Variants in STXBP6 observed in about 807,000 individuals in gnomAD.
The protein encoded by STXBP6 is syntaxin-binding protein 6.
Under a neutral mutation model 26.9 loss-of-function variants are expected in STXBP6, and 21 were observed. The observed-to-expected ratio is 0.78, with a 90% CI of 0.55 to 1.12. The LOEUF (loss-of-function observed/expected upper bound fraction) is 1.12, where lower values mean the gene tolerates loss of function less well. Among genes scored for constraint, STXBP6 ranks in the 50% most tolerant of loss-of-function variants. The pLI is 0.00. For missense variants in STXBP6, 232 were observed against 257.9 expected (o/e 0.90, Z 0.69); for synonymous variants, 97 against 92.6 (o/e 1.05, Z -0.27).
intron 1 of STXBP6, chr14:24,987,859 C>T: frequency 3.0e-6 from 3 of 985,500 alleles, no homozygotes; most frequent in Non-Finnish European, 3.6e-6. Context: ...AAGAGCAGAG[C>T]AAAGCTGGAA....
intron 2 of STXBP6, among the ~76,000 whole-genome samples, chr14:24,865,798 T>C (rs2069697513): frequency 6.6e-6 from 1 of 152,100 alleles, no homozygotes; most frequent in African/African-American, 2.4e-5. Context: ...ATTGAGTTTA[T>C]AAAATATGAA....
chr14:24,856,730 A>G (rs566562951), intron 3 of STXBP6, among the ~76,000 whole-genome samples: 1 of 151,044 alleles, frequency 6.6e-6, no homozygotes, highest in East Asian at 1.9e-4. Context: ...TTTTTTCCAT[A>G]TTGATAACCA....
chr14:24,842,910 C>T (rs2068828205), intron 4 of STXBP6, among the ~76,000 whole-genome samples: 1 of 152,128 alleles, frequency 6.6e-6, no homozygotes, highest in African/African-American at 2.4e-5. Flanking sequence ...TTTGTGCATG[C>T]ATTTATTCAG....
At chr14:24,925,936 A>G (rs1595122944) in intron 2 of STXBP6, among the ~76,000 whole-genome samples, 1 of 152,180 alleles carries the variant, frequency 6.6e-6, no homozygotes, top group Non-Finnish European at 1.5e-5. Flanking sequence ...CAGAGAATGT[A>G]TTATAGAAAA....
chr14:25,015,038 TA>T (rs1283131711), intron 1 of STXBP6, among the ~76,000 whole-genome samples: 3 of 152,200 alleles, frequency 2.0e-5, no homozygotes, highest in Non-Finnish European at 4.4e-5. Context: ...TCATTGGTTA[TA>T]TTTCTATGAG....
At chr14:24,850,104 T>C (rs2069096646) in intron 4 of STXBP6, among the ~76,000 whole-genome samples, 1 of 152,022 alleles carries the variant, frequency 6.6e-6, no homozygotes, top group South Asian at 2.1e-4. Flanking sequence ...ACCACACCAA[T>C]CACTTTTTTT....
intron 2 of STXBP6, among the ~76,000 whole-genome samples, chr14:24,958,773 C>T (rs1412603577): frequency 1.3e-5 from 2 of 151,928 alleles, no homozygotes; most frequent in Admixed American, 1.3e-4. Context: ...ATGCAAAAAC[C>T]AACAGAAGCC....
intron 2 of STXBP6, among the ~76,000 whole-genome samples, chr14:24,953,498 ACAGTGGCTACCCTTTCCTG>A (rs1402275012): frequency 6.6e-6 from 1 of 152,144 alleles, no homozygotes; most frequent in East Asian, 1.9e-4. Flanking sequence ...GCTTCCTCTG[ACAGTGGCTACCCTTTCCTG>A]CTGCTCCCAC....
At chr14:25,039,504 A>G (rs1343639451) in intron 1 of STXBP6, among the ~76,000 whole-genome samples, 1 of 152,098 alleles carries the variant, frequency 6.6e-6, no homozygotes, top group Non-Finnish European at 1.5e-5. Flanking sequence ...CTCTCTGGAT[A>G]TCTTATGTCT....
chr14:24,843,656 A>G (rs1461472856), intron 4 of STXBP6, among the ~76,000 whole-genome samples: 2 of 152,204 alleles, frequency 1.3e-5, no homozygotes, highest in African/African-American at 2.4e-5. Flanking sequence ...CCACAGACCA[A>G]TAACAGACCT....
intron 1 of STXBP6, among the ~76,000 whole-genome samples, chr14:25,023,183 T>C (rs553096308): frequency 6.6e-6 from 1 of 152,270 alleles, no homozygotes; most frequent in South Asian, 2.1e-4. Flanking sequence ...TTAACTATGG[T>C]TTGAACTTGG....
intron 2 of STXBP6, among the ~76,000 whole-genome samples, chr14:24,882,065 T>C (rs181375742): frequency 3.2e-4 from 49 of 152,078 alleles, no homozygotes; most frequent in Admixed American, 5.2e-4. Flanking sequence ...TGCCTACCCT[T>C]CCTCTGGGTG....
At chr14:25,000,807 T>A (rs2074742336) in intron 1 of STXBP6, among the ~76,000 whole-genome samples, 2 of 150,626 alleles carry the variant, frequency 1.3e-5, no homozygotes, top group Non-Finnish European at 3.0e-5. Flanking sequence ...CCAAGAAGAA[T>A]CCAGACAGCC....
intron 4 of STXBP6, among the ~76,000 whole-genome samples, chr14:24,843,022 T>C (rs1239989055): frequency 6.6e-6 from 1 of 152,202 alleles, no homozygotes; most frequent in African/African-American, 2.4e-5. Flanking sequence ...ATTTTTCTAT[T>C]TTCTCTCTCT....
In STXBP6 at chr14:24,812,706, T is replaced by G; in HGVS notation, c.*3A>C. 6.2e-7 allele frequency: 1 copy of G among 1,613,820 alleles called. No homozygotes were observed. The highest frequency in any genetic ancestry group is 8.5e-7 in the Non-Finnish European group (1 of 1,179,770). On this transcript the variant is annotated 3_prime_UTR_variant, in exon 6 of 6. Coordinates refer to ENST00000323944, the MANE Select transcript of STXBP6 (RefSeq NM_001394410.1). ...AAGAAGAGTCACCAGGATAGGCAGT[T>G]TCTCAACATTTGTGCTTCATGGCAA... is the stretch of plus-strand genomic sequence containing the variant.
rs2072589453 is a variant in STXBP6 at position 24,936,153 on chromosome 14, C to T, written c.154+38512G>A. Reference sequence around the variant, plus strand: ...TGTGTTAGATCAGAGTTAAACTTTACAGCCATTTGAGAGTCTACTGGCTTG... The same window carrying T: ...TGTGTTAGATCAGAGTTAAACTTTATAGCCATTTGAGAGTCTACTGGCTTG... On this transcript the variant is annotated intron_variant, in intron 2 of 5. Coordinates refer to ENST00000323944, the MANE Select transcript of STXBP6 (RefSeq NM_001394410.1). Among the ~76,000 whole-genome samples the T allele has an allele frequency of 2.0e-5, 3 of 152,182 alleles. 1 individual carries two copies. The South Asian group carries it at 6.2e-4, about 32-fold the overall frequency.
intron 4 of STXBP6, among the ~76,000 whole-genome samples, chr14:24,848,151 T>C (rs1488045626): frequency 1.3e-5 from 2 of 152,196 alleles, no homozygotes; most frequent in Non-Finnish European, 2.9e-5. Flanking sequence ...ATTTGTAGTG[T>C]TTAAAAACAT....
chr14:24,817,927 A>G (rs1166382004), intron 5 of STXBP6: 15 of 395,818 alleles, frequency 3.8e-5, no homozygotes, highest in Non-Finnish European at 6.5e-5. Flanking sequence ...GCAGGAAGAG[A>G]AGGCAGGAGT....
At chr14:24,812,858 A>G in intron 5 of STXBP6, 126 bp from the exon 6 acceptor site, 1 of 872,826 alleles carries the variant, frequency 1.1e-6, no homozygotes. Context: ...TCTCTGTGGC[A>G]GATCACCGTT....
Sources: gnomAD v4.1 joint callset for allele counts (sites outside exome capture counted in the v4.1 genomes callset) on GRCh38, gnomAD v4.1.1 for gene constraint, MANE v1.5 for transcripts, NCBI Gene and HGNC (gene_info 2026-07-23, HGNC 2026-07-21) for gene names.